The following DLG2 variants were observed in gnomAD, a reference collection of about 807,000 sequenced individuals.
The protein encoded by DLG2 is discs large MAGUK scaffold protein 2, also known as disks large homolog 2.
DLG2 carries 45 observed loss-of-function variants against 132.5 expected under a neutral mutation model. The ratio of observed to expected loss-of-function variants is 0.34; its 90% CI spans 0.27 to 0.44. The LOEUF (loss-of-function observed/expected upper bound fraction) is 0.44, where lower values mean the gene tolerates loss of function less well. Ranked by LOEUF, DLG2 falls within the 20% of genes least tolerant of loss-of-function variation. The pLI is 1.00. For synonymous variants in DLG2, 424 were observed against 419.6 expected (o/e 1.01, Z -0.13); for missense variants, 1,045 against 1,196.9 (o/e 0.87, Z 1.87).
chr11:84,890,506 A>C (rs577610028), intron 6 of DLG2, among the ~76,000 whole-genome samples: 1 of 152,260 alleles, frequency 6.6e-6, no homozygotes, highest in South Asian at 2.1e-4. Context: ...CTCTCCCCGG[A>C]GGAGAAGAAA....
At chr11:84,741,165 C>G (rs1434218205) in intron 6 of DLG2, among the ~76,000 whole-genome samples, 1 of 143,116 alleles carries the variant, frequency 7.0e-6, no homozygotes, top group African/African-American at 2.6e-5. Flanking sequence ...CTTCCGGGTT[C>G]ACGCCATTCT....
At chr11:85,444,265 T>C (rs952089269) in intron 3 of DLG2, among the ~76,000 whole-genome samples, 25 of 152,082 alleles carry the variant, frequency 1.6e-4, no homozygotes, top group African/African-American at 6.0e-4. Context: ...AAACGTATAC[T>C]GAAATGGAAT....
chr11:85,547,047 T>C (rs768258468), intron 3 of DLG2, among the ~76,000 whole-genome samples: 2 of 152,158 alleles, frequency 1.3e-5, no homozygotes, highest in Non-Finnish European at 2.9e-5. Context: ...CCCTCCATTA[T>C]GATGCCAGCT....
intron 19 of DLG2, among the ~76,000 whole-genome samples, chr11:83,548,964 T>C (rs1467390899): frequency 1.3e-5 from 2 of 152,124 alleles, no homozygotes; most frequent in Non-Finnish European, 2.9e-5. Flanking sequence ...TTTTCACAGA[T>C]GGATTTATAA....
intron 11 of DLG2, 90 bp downstream of exon 11, chr11:84,059,225 G>T: frequency 7.7e-6 from 10 of 1,306,474 alleles, no homozygotes; most frequent in Non-Finnish European, 9.8e-6. Flanking sequence ...AATGTCAGAG[G>T]TTAAAGAGTT....
chr11:84,642,438 C>CGG (rs2099668660), intron 6 of DLG2, among the ~76,000 whole-genome samples: 1 of 151,618 alleles, frequency 6.6e-6, no homozygotes, highest in African/African-American at 2.4e-5. Context: ...TTTAAAGTGA[C>CGG]GGAAAGAGAT....
intron 11 of DLG2, among the ~76,000 whole-genome samples, chr11:83,987,019 ACT>A (rs1299705931): frequency 8.6e-5 from 13 of 151,766 alleles, no homozygotes; most frequent in African/African-American, 1.7e-4. Context: ...TTGCCTGTTC[ACT>A]CTGATGGTAG....
intron 18 of DLG2, among the ~76,000 whole-genome samples, chr11:83,657,757 G>C (rs569485022): frequency 3.3e-5 from 5 of 151,974 alleles, no homozygotes; most frequent in African/African-American, 9.7e-5. Context: ...AGCCAGGATG[G>C]TCTCAATCTC....
intron 6 of DLG2, among the ~76,000 whole-genome samples, chr11:84,608,652 T>C (rs968035177): frequency 6.6e-6 from 1 of 152,162 alleles, no homozygotes; most frequent in Non-Finnish European, 1.5e-5. Flanking sequence ...TTTTTTGCCG[T>C]GGCATCCATA....
At chr11:83,739,263 T>C (rs2092299838) in intron 18 of DLG2, among the ~76,000 whole-genome samples, 1 of 152,190 alleles carries the variant, frequency 6.6e-6, no homozygotes, top group African/African-American at 2.4e-5. Context: ...TTTTGTGCTA[T>C]GCAGAACTTC....
chr11:84,386,037 C>A (rs1001090911), intron 7 of DLG2, among the ~76,000 whole-genome samples: 13 of 152,020 alleles, frequency 8.6e-5, no homozygotes, highest in Non-Finnish European at 1.6e-4. Context: ...TAGCACGTTT[C>A]TTTAACCAAT....
At chr11:85,284,129 C>T (rs986422972) in intron 4 of DLG2, among the ~76,000 whole-genome samples, 1 of 151,852 alleles carries the variant, frequency 6.6e-6, no homozygotes, top group South Asian at 2.1e-4. Flanking sequence ...GTCCCAACTT[C>T]ATGTACATAT....
At chr11:84,043,925 A>C (rs1462992210) in intron 11 of DLG2, among the ~76,000 whole-genome samples, 2 of 151,548 alleles carry the variant, frequency 1.3e-5, no homozygotes, top group Non-Finnish European at 3.0e-5. Context: ...ATTTATTTTA[A>C]GTTTTCCTAC....
At chr11:85,237,726 C>T (rs1281437257) in intron 4 of DLG2, among the ~76,000 whole-genome samples, 1 of 152,020 alleles carries the variant, frequency 6.6e-6, no homozygotes, top group East Asian at 1.9e-4. Context: ...AAAATACAGA[C>T]TGTCAGACTG....
intron 6 of DLG2, among the ~76,000 whole-genome samples, chr11:84,641,227 C>T (rs1229667837): frequency 6.6e-6 from 1 of 152,082 alleles, no homozygotes; most frequent in Non-Finnish European, 1.5e-5. Context: ...TTCAAACTCT[C>T]TCTGTCTCAG....
At chr11:83,644,329 C>T (rs1294362707) in intron 18 of DLG2, among the ~76,000 whole-genome samples, 4 of 152,022 alleles carry the variant, frequency 2.6e-5, no homozygotes, top group South Asian at 4.1e-4. Context: ...GTGGAGAATT[C>T]GATAAATATG....
chr11:83,815,528 T>C (rs1217718966), intron 17 of DLG2, among the ~76,000 whole-genome samples: 2 of 152,138 alleles, frequency 1.3e-5, no homozygotes, highest in Admixed American at 6.6e-5. Context: ...AGATTTATCC[T>C]GGGGCCAAGA....
intron 3 of DLG2, among the ~76,000 whole-genome samples, chr11:85,444,456 C>T (rs1421480582): frequency 6.6e-6 from 1 of 152,158 alleles, no homozygotes; most frequent in African/African-American, 2.4e-5. Context: ...AAAAGCTAGA[C>T]ACATTTTGGT....
intron 7 of DLG2, among the ~76,000 whole-genome samples, chr11:84,286,987 C>A (rs144142660): frequency 6.6e-6 from 1 of 152,252 alleles, no homozygotes; most frequent in South Asian, 2.1e-4. Context: ...CCAGATTACT[C>A]TACACTTTGG....
Sources: gnomAD v4.1 joint callset for allele counts (sites outside exome capture counted in the v4.1 genomes callset) on GRCh38, gnomAD v4.1.1 for gene constraint, MANE v1.5 for transcripts, NCBI Gene and HGNC (gene_info 2026-07-23, HGNC 2026-07-21) for gene names.